ARHGAP24: variants seen among roughly 807,000 people sequenced by gnomAD.
ARHGAP24 encodes Rho GTPase activating protein 24, also known as rho GTPase-activating protein 24.
In ARHGAP24, 50 loss-of-function variants were observed where a neutral mutation model predicts 76.4. The ratio of observed to expected loss-of-function variants is 0.65; its 90% CI spans 0.52 to 0.83. The LOEUF is 0.83. Ranked by LOEUF, ARHGAP24 falls within the 40% of genes least tolerant of loss-of-function variation. ARHGAP24 has a pLI of 0.00. For synonymous variants in ARHGAP24, 345 were observed against 323.3 expected (o/e 1.07, Z -0.72); for missense variants, 930 against 914.2 (o/e 1.02, Z -0.22).
chr4:85,969,303 T>C (rs961838538), intron 5 of ARHGAP24, among the ~76,000 whole-genome samples: 4 of 152,172 alleles, frequency 2.6e-5, no homozygotes, highest in African/African-American at 9.7e-5. Context: ...ATGTAATAAA[T>C]AGATCATCAA....
At chr4:85,821,134 G>T (rs1043180757) in intron 3 of ARHGAP24, among the ~76,000 whole-genome samples, 2 of 152,038 alleles carry the variant, frequency 1.3e-5, no homozygotes, top group Non-Finnish European at 2.9e-5. Context: ...CCATGAAAAA[G>T]ATTGGAATAG....
At chr4:85,836,444 T>TA (rs1215378168) in intron 3 of ARHGAP24, among the ~76,000 whole-genome samples, 1 of 152,210 alleles carries the variant, frequency 6.6e-6, no homozygotes, top group Non-Finnish European at 1.5e-5. Context: ...TACCTTCTGA[T>TA]AGACTCAGGA....
Position 85,743,751 on chromosome 4 carries a change from T to C in ARHGAP24, c.268+21779T>C, listed in dbSNP as rs1026765307. Among the ~76,000 whole-genome samples the C allele has an allele frequency of 2.0e-5, 3 of 152,146 alleles. No homozygotes were observed. The East Asian group carries it at 5.8e-4, about 29-fold the overall frequency. ...AGCACAAGAGTGCAACGACTCTATG[T>C]TATCCTGGCTCCCTCATTCAAGGAA... On this transcript the variant is annotated intron_variant, in intron 3 of 9. Transcript: ENST00000395184.
At chr4:85,496,671 T>A (rs1723597163) in intron 1 of ARHGAP24, among the ~76,000 whole-genome samples, 1 of 152,156 alleles carries the variant, frequency 6.6e-6, no homozygotes, top group South Asian at 2.1e-4. Context: ...AGCTCCCGGG[T>A]ATATTAAGTG....
In ARHGAP24 at chr4:85,512,528, C is replaced by G. The variant is rs1336626445; in HGVS notation, c.-21+36969C>G. ...GAGTACTCAACTATGGTTGAGATTA[C>G]TATATTTTATTAAAAGTTTATCAGC... is the stretch of plus-strand genomic sequence containing the variant. On this transcript the variant is annotated intron_variant, in intron 1 of 9. Transcript: ENST00000395184. Among the ~76,000 whole-genome samples, 8 of 152,042 alleles carry G rather than the reference C, an allele frequency of 5.3e-5. No homozygotes were observed. The East Asian group carries it at 1.5e-3, about 29-fold the overall frequency.
At chr4:85,801,176 A>G (rs1459814619) in intron 3 of ARHGAP24, among the ~76,000 whole-genome samples, 1 of 152,164 alleles carries the variant, frequency 6.6e-6, no homozygotes, top group Non-Finnish European at 1.5e-5. Flanking sequence ...TAAAAATAAC[A>G]GTATAATTAG....
At chr4:85,800,437 C>T (rs1693521484) in intron 3 of ARHGAP24, among the ~76,000 whole-genome samples, 1 of 151,464 alleles carries the variant, frequency 6.6e-6, no homozygotes, top group African/African-American at 2.4e-5. Context: ...AAATAGGGCC[C>T]AAATGGTAAA....
rs370511783 is a variant in ARHGAP24, at chr4:85,722,911, G to A, written c.268+939G>A. Among the ~76,000 whole-genome samples, 4 of 152,220 alleles carry A rather than the reference G, an allele frequency of 2.6e-5. No individual in the cohort carries two copies. In the East Asian group the frequency reaches 7.7e-4, roughly 29 times the overall value. ...AATGCTGGGAATCTAAAATGGAAAA[G>A]CATATTTTCCCCTCGATGAAAACAG... On this transcript the variant is annotated intron_variant, in intron 3 of 9. Transcript: ENST00000395184.
At chr4:85,655,580 G>A (rs4285081) in intron 2 of ARHGAP24, among the ~76,000 whole-genome samples, 54,664 of 150,950 alleles carry the variant, frequency 0.36, 10,985 homozygotes, top group East Asian at 0.84. Flanking sequence ...CCAGGAGTTC[G>A]AGACCAGACT....
At chr4:85,920,662 C>T (rs1735669706) in intron 3 of ARHGAP24, among the ~76,000 whole-genome samples, 2 of 152,066 alleles carry the variant, frequency 1.3e-5, no homozygotes, top group East Asian at 1.9e-4. Flanking sequence ...CTATGAGGAA[C>T]TTAAACAAAT....
At chr4:85,487,879 AT>A (rs1178045622) in intron 1 of ARHGAP24, among the ~76,000 whole-genome samples, 2 of 125,282 alleles carry the variant, frequency 1.6e-5, no homozygotes, top group East Asian at 2.1e-4. Flanking sequence ...TAAATATATA[AT>A]ATATATAATA....
At chr4:85,623,885 CTCTG>C (rs781442949) in intron 2 of ARHGAP24, among the ~76,000 whole-genome samples, 2 of 119,788 alleles carry the variant, frequency 1.7e-5, no homozygotes, top group Non-Finnish European at 3.5e-5. Flanking sequence ...TGATTTGGCT[CTCTG>C]TCTGTTATTG....
At chr4:85,976,267 A>G (rs962126785) in intron 7 of ARHGAP24, among the ~76,000 whole-genome samples, 10 of 152,240 alleles carry the variant, frequency 6.6e-5, no homozygotes, top group Non-Finnish European at 1.3e-4. Context: ...GCTGTATAAC[A>G]GTAGTGAATG....
At chr4:85,521,801 C>G (rs1724768451) in intron 1 of ARHGAP24, among the ~76,000 whole-genome samples, 1 of 152,132 alleles carries the variant, frequency 6.6e-6, no homozygotes, top group Non-Finnish European at 1.5e-5. Context: ...GGAAACGTCA[C>G]AGGAGCTACC....
rs148683979 is a variant in ARHGAP24 at position 85,819,877 on chromosome 4, G to C, written c.268+97905G>C. On this transcript the variant is annotated intron_variant, in intron 3 of 9. Coordinates refer to ENST00000395184, the MANE Select transcript of ARHGAP24 (RefSeq NM_001025616.3). The stretch of plus-strand genomic sequence containing the variant: ...AGAGGCTGCAGTGAGCTGACATCGT[G>C]CCATTGCACTCCATCATGATTGAAA... 2.4e-4 allele frequency among the ~76,000 whole-genome samples: 36 copies of C among 149,654 alleles called. 1 individual carries two copies. The highest frequency in any genetic ancestry group is 8.2e-4 in the African/African-American group (32 of 39,090).
chr4:85,847,461 T>G (rs780543762), intron 3 of ARHGAP24, among the ~76,000 whole-genome samples: 1 of 152,100 alleles, frequency 6.6e-6, no homozygotes, highest in Non-Finnish European at 1.5e-5. Flanking sequence ...GTAAGGGTCA[T>G]AAAGATAGAT....
chr4:85,664,516 G>T lies in ARHGAP24; in HGVS notation c.181-57369G>T, dbSNP rs1358594734. Among the ~76,000 whole-genome samples, 3 of 150,336 alleles carry T rather than the reference G, an allele frequency of 2.0e-5. 1 individual carries two copies. The highest frequency in any genetic ancestry group is 7.5e-5 in the African/African-American group (3 of 39,976). ...TTTTTTTGTGTCTCTATTTCCTTCA[G>T]TTCTGCTCTGATTTTAGTTATTTCT... On this transcript the variant is annotated intron_variant, in intron 2 of 9. Coordinates refer to ENST00000395184, the MANE Select transcript of ARHGAP24 (RefSeq NM_001025616.3).
intron 2 of ARHGAP24, among the ~76,000 whole-genome samples, chr4:85,641,472 G>T (rs1721518937): frequency 6.6e-6 from 1 of 152,170 alleles, no homozygotes; most frequent in Non-Finnish European, 1.5e-5. Flanking sequence ...TCTGAGAGCT[G>T]CAAGGGAAAA....
At chr4:85,566,023 A>G (rs953250635) in intron 1 of ARHGAP24, among the ~76,000 whole-genome samples, 15 of 152,264 alleles carry the variant, frequency 9.9e-5, no homozygotes, top group Non-Finnish European at 1.8e-4. Context: ...AAAAGCTACA[A>G]GCCCATCAAA....
Sources: allele counts gnomAD v4.1 joint callset (sites outside exome capture counted in the v4.1 genomes callset), GRCh38; gene constraint gnomAD v4.1.1; transcripts MANE v1.5; gene names NCBI Gene and HGNC (gene_info 2026-07-23, HGNC 2026-07-21).